Variants in MAPRE2 observed in about 807,000 individuals in gnomAD.
MAPRE2 encodes the protein microtubule associated protein RP/EB family member 2.
A neutral mutation model predicts 43.2 loss-of-function variants in MAPRE2; 13 were observed. The observed-to-expected ratio is 0.30, with a 90% CI of 0.20 to 0.48. The LOEUF is 0.48. Ranked by LOEUF, MAPRE2 falls within the 20% of genes least tolerant of loss-of-function variation. The pLI, the probability that MAPRE2 is intolerant of heterozygous loss-of-function variation, is 0.99. For synonymous variants in MAPRE2, 135 were observed against 148.8 expected, an observed-to-expected ratio of 0.91 and a Z score of 0.68; for missense variants, 161 against 400.2, an observed-to-expected ratio of 0.40 and a Z score of 5.10.
intron 1 of MAPRE2, among the ~76,000 whole-genome samples, chr18:34,981,887 A>AT (rs1261290510): frequency 0.074 from 2,568 of 34,728 alleles, 112 homozygotes; most frequent in African/African-American, 0.14. Flanking sequence ...ATTTTTATTT[A>AT]TTTTTTTTTT....
intron 1 of MAPRE2, among the ~76,000 whole-genome samples, chr18:35,042,935 A>C (rs1194911776): frequency 2.0e-5 from 3 of 152,150 alleles, no homozygotes; most frequent in Non-Finnish European, 4.4e-5. Flanking sequence ...AAAAAAAAAA[A>C]AATTATAAGC....
chr18:34,983,408 C>T (rs1053449853), intron 1 of MAPRE2, among the ~76,000 whole-genome samples: 16 of 152,120 alleles, frequency 1.1e-4, no homozygotes, highest in African/African-American at 3.9e-4. Context: ...GAAAACATGT[C>T]CTTAAGAGCA....
intron 4 of MAPRE2, among the ~76,000 whole-genome samples, chr18:35,115,184 T>G (rs1909357012): frequency 6.6e-6 from 1 of 152,150 alleles, no homozygotes; most frequent in South Asian, 2.1e-4. Flanking sequence ...ATATAATTAT[T>G]GAGTTGATGA....
At chr18:34,979,351 C>A (rs2097014884) in intron 1 of MAPRE2, among the ~76,000 whole-genome samples, 1 of 152,172 alleles carries the variant, frequency 6.6e-6, no homozygotes. Context: ...CAGCAGGCTG[C>A]ACAGCGATCC....
At chr18:34,990,802 C>T (rs73422627) in intron 1 of MAPRE2, among the ~76,000 whole-genome samples, 147 of 152,276 alleles carry the variant, frequency 9.7e-4, no homozygotes, top group African/African-American at 3.3e-3. Flanking sequence ...AGAAGGATCG[C>T]TTGAGGCCAG....
intron 6 of MAPRE2, among the ~76,000 whole-genome samples, chr18:35,132,962 C>T (rs1834718663): frequency 6.6e-6 from 1 of 152,186 alleles, no homozygotes; most frequent in Admixed American, 6.5e-5. Flanking sequence ...TGTGGCTTCA[C>T]CTTCCACAGA....
rs1679369217 is a variant in MAPRE2 at position 34,985,604 on chromosome 18, G to C, written c.-70+8525G>C. Among the ~76,000 whole-genome samples, 3 of 75,012 alleles carry C rather than the reference G, an allele frequency of 4.0e-5. No homozygotes were observed. In the South Asian group the frequency reaches 1.1e-3, roughly 27 times the overall value. The allele number at this position is 75,012 out of a possible 152,430, so 49.2% of individuals were successfully genotyped here. A position where few individuals can be genotyped will look rare whatever the true frequency, so the allele number is the denominator to read the frequency against. ...CTATAAACTATAATATATAACATAT[G>C]ATATATTATAATAATATATAACATA... is the stretch of plus-strand genomic sequence containing the variant. On this transcript the variant is annotated intron_variant, in intron 1 of 7. Transcript: ENST00000413393.
intron 1 of MAPRE2, among the ~76,000 whole-genome samples, chr18:34,991,771 C>A (rs1424883868): frequency 6.6e-6 from 1 of 152,124 alleles, no homozygotes; most frequent in Non-Finnish European, 1.5e-5. Context: ...TCATCTGGCA[C>A]CTTTAGAGTA....
chr18:35,126,086 A>G (rs1909891394), intron 4 of MAPRE2, among the ~76,000 whole-genome samples: 1 of 152,228 alleles, frequency 6.6e-6, no homozygotes, highest in African/African-American at 2.4e-5. Context: ...AGTGGCTGCC[A>G]GTGTTCCTTA....
upstream of MAPRE2, among the ~76,000 whole-genome samples, chr18:35,037,445 C>A (rs1182717708): frequency 1.3e-5 from 2 of 152,174 alleles, no homozygotes; most frequent in Non-Finnish European, 2.9e-5. Context: ...GGTCATAGAA[C>A]CTGCATCTGG....
intron 1 of MAPRE2, among the ~76,000 whole-genome samples, chr18:35,060,521 A>G (rs1028825484): frequency 2.0e-5 from 3 of 152,196 alleles, no homozygotes; most frequent in African/African-American, 7.2e-5. Context: ...TTACTCTCTC[A>G]TTGTACATGT....
chr18:35,106,660 G>A (rs534348024), intron 4 of MAPRE2, among the ~76,000 whole-genome samples: 1 of 152,182 alleles, frequency 6.6e-6, no homozygotes, highest in South Asian at 2.1e-4. Flanking sequence ...TTTTCTTTAT[G>A]ATTCAGAGAA....
At chr18:35,091,624 A>G (rs138017610) in intron 2 of MAPRE2, among the ~76,000 whole-genome samples, 1 of 152,330 alleles carries the variant, frequency 6.6e-6, no homozygotes, top group East Asian at 1.9e-4. Flanking sequence ...CTGAACAAAA[A>G]GAACAATGCT....
chr18:35,048,533 A>G (rs1430214841), intron 1 of MAPRE2, among the ~76,000 whole-genome samples: 1 of 150,410 alleles, frequency 6.6e-6, no homozygotes, highest in African/African-American at 2.4e-5. Flanking sequence ...TAACACATAT[A>G]CTACATATAC....
chr18:35,047,069 G>GGGCCA (rs1355598243), intron 1 of MAPRE2, among the ~76,000 whole-genome samples: 16 of 152,266 alleles, frequency 1.1e-4, no homozygotes, highest in Admixed American at 3.3e-4. Context: ...TGTGACTTTG[G>GGGCCA]GGCCAATTCC....
intron 4 of MAPRE2, among the ~76,000 whole-genome samples, chr18:35,126,151 C>T (rs1245753115): frequency 1.3e-5 from 2 of 152,196 alleles, no homozygotes; most frequent in Non-Finnish European, 2.9e-5. Context: ...CTCTCCCTGT[C>T]TTCCAGCCCA....
intron 2 of MAPRE2, among the ~76,000 whole-genome samples, chr18:35,025,116 C>T (rs2097044343): frequency 6.6e-6 from 1 of 152,166 alleles, no homozygotes; most frequent in Non-Finnish European, 1.5e-5. Context: ...GGATTTGCAG[C>T]TGTTTCATAA....
chr18:35,120,225 C>G (rs752845140), intron 4 of MAPRE2, among the ~76,000 whole-genome samples: 1 of 152,108 alleles, frequency 6.6e-6, no homozygotes, highest in Non-Finnish European at 1.5e-5. Context: ...TTCATTCCCA[C>G]GAGATTGGTG....
intron 1 of MAPRE2, among the ~76,000 whole-genome samples, chr18:35,001,378 G>A (rs1350440836): frequency 1.3e-5 from 2 of 152,146 alleles, no homozygotes; most frequent in Non-Finnish European, 2.9e-5. Context: ...AGTGGGTGTG[G>A]TGGCACATGC....
Sources: gnomAD v4.1 joint callset for allele counts (sites outside exome capture counted in the v4.1 genomes callset) on GRCh38, gnomAD v4.1.1 for gene constraint, MANE v1.5 for transcripts, NCBI Gene and HGNC (gene_info 2026-07-23, HGNC 2026-07-21) for gene names.